Variants in TNFAIP8L3 observed in about 807,000 individuals in gnomAD.
TNFAIP8L3 encodes tumor necrosis factor alpha-induced protein 8-like protein 3.
A neutral mutation model predicts 11.8 loss-of-function variants in TNFAIP8L3; 7 were observed. The observed-to-expected ratio is 0.59, with a 90% CI of 0.34 to 1.11. The LOEUF is 1.11. Ranked by LOEUF, TNFAIP8L3 falls within the 50% of genes most tolerant of loss-of-function variation. The probability of loss-of-function intolerance (pLI) is 0.03; values close to 1 mark genes in which losing one functional copy is unlikely to be tolerated. For synonymous variants in TNFAIP8L3, 98 were observed against 103.8 expected, an observed-to-expected ratio of 0.94 and a Z score of 0.34; for missense variants, 219 against 258.6, an observed-to-expected ratio of 0.85 and a Z score of 1.05.
At chr15:51,082,720 T>C (rs72727114) in intron 1 of TNFAIP8L3, among the ~76,000 whole-genome samples, 31,025 of 152,074 alleles carry the variant, frequency 0.2, 3,650 homozygotes, top group East Asian at 0.44. Context: ...TCTATAAGCT[T>C]TTTTCTATTA....
chr15:51,084,164 A>G (rs2065411152), intron 1 of TNFAIP8L3, among the ~76,000 whole-genome samples: 1 of 151,544 alleles, frequency 6.6e-6, no homozygotes, highest in South Asian at 2.1e-4. Flanking sequence ...CTCCATATAC[A>G]AAGGGGTAGA....
rs568889906 is a variant in TNFAIP8L3 at position 51,101,397 on chromosome 15, G to A, written c.172+3608C>T. On this transcript the variant is annotated intron_variant, in intron 1 of 2. Transcript: ENST00000327536. ...AGCAGTTTCGGAGGCCAAGACAGGCGGATCACCTGAGGTCAAGAGTTCGAG... is the reference window on the plus strand; with the variant it reads ...AGCAGTTTCGGAGGCCAAGACAGGCAGATCACCTGAGGTCAAGAGTTCGAG... 3.9e-5 allele frequency among the ~76,000 whole-genome samples: 6 copies of A among 152,204 alleles called. No individual in the cohort carries two copies. In the East Asian group the frequency reaches 5.8e-4, roughly 15 times the overall value.
chr15:51,068,966 A>G (rs1480868027), intron 1 of TNFAIP8L3, among the ~76,000 whole-genome samples: 1 of 151,904 alleles, frequency 6.6e-6, no homozygotes, highest in East Asian at 1.9e-4. Context: ...CACCTGGCCT[A>G]CCCCTCCTCT....
upstream of TNFAIP8L3, among the ~76,000 whole-genome samples, chr15:51,095,782 A>G (rs1035858949): frequency 7.2e-5 from 11 of 152,166 alleles, no homozygotes; most frequent in East Asian, 1.5e-3. Context: ...TTGCCTCCCT[A>G]TTATAGGCTC....
At chr15:51,068,106 C>T (rs1027974946) in intron 1 of TNFAIP8L3, among the ~76,000 whole-genome samples, 34 of 152,158 alleles carry the variant, frequency 2.2e-4, no homozygotes, top group Non-Finnish European at 1.2e-4. Flanking sequence ...TTAAATGCCT[C>T]GTGTTTCTGA....
Position 51,094,278 on chromosome 15 carries a change from C to G in TNFAIP8L3, c.52+266G>C, listed in dbSNP as rs1470977116. ...CGCGGATTCCCGAACCCTTCCCCGC[C>G]CCCACCCAGCCCGGGCGACCAGAGC... On this transcript the variant is annotated intron_variant, in intron 1 of 1. Coordinates refer to ENST00000637513, the MANE Select transcript of TNFAIP8L3 (RefSeq NM_001311175.2). This position sits in a 1 kb window ranked among gnomAD's most constrained non-coding sequence, Gnocchi z 4.4. 2.0e-5 allele frequency among the ~76,000 whole-genome samples: 3 copies of G among 152,206 alleles called. No individual in the cohort carries two copies. Among genetic ancestry groups the G allele is most frequent in the Non-Finnish European group, 4.4e-5 (3 of 68,034 alleles).
intron 1 of TNFAIP8L3, among the ~76,000 whole-genome samples, chr15:51,102,451 C>A (rs962491928): frequency 2.6e-5 from 4 of 152,130 alleles, no homozygotes; most frequent in African/African-American, 7.2e-5. Flanking sequence ...TTGAGTGGAA[C>A]CTTTTGTTCC....
In TNFAIP8L3 at chr15:51,056,785, T is replaced by C. The variant is rs2065206596; in HGVS notation, c.*1096A>G. On this transcript the variant is annotated 3_prime_UTR_variant, in exon 2 of 2. Coordinates refer to ENST00000637513, the MANE Select transcript of TNFAIP8L3 (RefSeq NM_001311175.2). Reference sequence around the variant, plus strand: ...TCCTGCAGAGGGAGCACAGTGCTTCTCTGTTTCTATATTGTGGATGGAAAA... The same window carrying C: ...TCCTGCAGAGGGAGCACAGTGCTTCCCTGTTTCTATATTGTGGATGGAAAA... 2 of 152,132 alleles carry C rather than the reference T, an allele frequency of 1.3e-5. No homozygotes were observed. The highest frequency in any genetic ancestry group is 2.9e-5 in the Non-Finnish European group (2 of 68,030). 9.4% of individuals were successfully genotyped at this position (152,132 alleles called of 1,614,324 possible). A position where few individuals can be genotyped will look rare whatever the true frequency, so the allele number is the denominator to read the frequency against.
intron 1 of TNFAIP8L3, among the ~76,000 whole-genome samples, chr15:51,066,714 T>C (rs908948545): frequency 6.6e-6 from 1 of 152,162 alleles, no homozygotes; most frequent in Non-Finnish European, 1.5e-5. Context: ...TTGACAATGA[T>C]AAAATGCTTC....
chr15:51,091,710 ACACACACG>A (rs758611832), intron 1 of TNFAIP8L3, among the ~76,000 whole-genome samples: 2 of 145,098 alleles, frequency 1.4e-5, no homozygotes, highest in Non-Finnish European at 3.1e-5. Context: ...ACACACACAC[ACACACACG>A]TGCACACACC....
chr15:51,082,773 G>A (rs1386739016), intron 1 of TNFAIP8L3, among the ~76,000 whole-genome samples: 1 of 151,782 alleles, frequency 6.6e-6, no homozygotes, highest in East Asian at 1.9e-4. Context: ...TAAAAACTAA[G>A]AAAAACACAT....
At chr15:51,061,250 C>T (rs1350604687) in intron 1 of TNFAIP8L3, among the ~76,000 whole-genome samples, 1 of 152,198 alleles carries the variant, frequency 6.6e-6, no homozygotes, top group Non-Finnish European at 1.5e-5. Flanking sequence ...AAGCAATCCT[C>T]CTGTCTCAGC....
chr15:51,076,495 A>AT (rs2065351070), intron 1 of TNFAIP8L3, among the ~76,000 whole-genome samples: 1 of 152,184 alleles, frequency 6.6e-6, no homozygotes, highest in African/African-American at 2.4e-5. Flanking sequence ...TAAGAATAGA[A>AT]TTTTTTATAC....
chr15:51,079,855 C>CAAAAAAA (rs10602536), intron 1 of TNFAIP8L3, among the ~76,000 whole-genome samples: 24 of 77,564 alleles, frequency 3.1e-4, no homozygotes, highest in Non-Finnish European at 4.3e-4. Flanking sequence ...GACTTTGTCT[C>CAAAAAAA]AAAAAAAAAA....
chr15:51,072,776 A>G (rs2065319658), intron 1 of TNFAIP8L3, among the ~76,000 whole-genome samples: 1 of 151,884 alleles, frequency 6.6e-6, no homozygotes, highest in Non-Finnish European at 1.5e-5. Flanking sequence ...TACTCTGTTT[A>G]TTAGACTCTG....
intron 1 of TNFAIP8L3, among the ~76,000 whole-genome samples, chr15:51,080,093 G>A (rs28469428): frequency 0.019 from 2,913 of 152,178 alleles, 113 homozygotes; most frequent in African/African-American, 0.068. Context: ...TACAGAAGGT[G>A]AAAACTTAGC....
intron 1 of TNFAIP8L3, among the ~76,000 whole-genome samples, chr15:51,085,719 C>T (rs1354906641): frequency 1.3e-5 from 2 of 151,028 alleles, no homozygotes; most frequent in Non-Finnish European, 2.9e-5. Flanking sequence ...GACAGTGGAA[C>T]AAAATGTTTT....
intron 1 of TNFAIP8L3, among the ~76,000 whole-genome samples, chr15:51,089,396 G>A (rs2065451002): frequency 6.6e-6 from 1 of 152,176 alleles, no homozygotes; most frequent in Non-Finnish European, 1.5e-5. Flanking sequence ...TATGCAATAG[G>A]AAGGGCTGGT....
At chr15:51,062,962 G>A (rs1290407539) in intron 1 of TNFAIP8L3, among the ~76,000 whole-genome samples, 1 of 152,148 alleles carries the variant, frequency 6.6e-6, no homozygotes, top group Non-Finnish European at 1.5e-5. Context: ...GATGAAAACA[G>A]AGGTTGGAGT....
Sources: gnomAD v4.1 joint callset for allele counts (sites outside exome capture counted in the v4.1 genomes callset) on GRCh38, gnomAD v4.1.1 for gene constraint, Gnocchi (gnomAD v3.1) non-coding constraint, MANE v1.5 for transcripts, NCBI Gene and HGNC (gene_info 2026-07-23, HGNC 2026-07-21) for gene names.